The following NPR3 variants were observed in gnomAD, a reference collection of about 807,000 sequenced individuals.
NPR3 encodes the protein atrial natriuretic peptide receptor 3.
Under a neutral mutation model 54.5 loss-of-function variants are expected in NPR3, and 34 were observed. The ratio of observed to expected loss-of-function variants is 0.62; its 90% CI spans 0.47 to 0.83. The LOEUF is 0.83. Ranked by LOEUF, NPR3 falls within the 40% of genes least tolerant of loss-of-function variation. The probability of loss-of-function intolerance (pLI) is 0.00; values close to 1 mark genes in which losing one functional copy is unlikely to be tolerated. For synonymous variants in NPR3, 289 were observed against 297.1 expected, an observed-to-expected ratio of 0.97 and a Z score of 0.28; for missense variants, 674 against 720.8, an observed-to-expected ratio of 0.94 and a Z score of 0.74.
intron 3 of NPR3, among the ~76,000 whole-genome samples, chr5:32,745,668 G>T (rs141019099): frequency 2.0e-5 from 3 of 152,186 alleles, no homozygotes; most frequent in East Asian, 1.9e-4. Flanking sequence ...AGCAACACAG[G>T]CTGAAGTATT....
intron 3 of NPR3, among the ~76,000 whole-genome samples, chr5:32,756,230 G>C (rs1388089852): frequency 6.6e-6 from 1 of 152,218 alleles, no homozygotes; most frequent in African/African-American, 2.4e-5. Context: ...CAGTGTAAAA[G>C]TGTTCCAGTT....
rs2111842507 is a variant in NPR3 at position 32,712,376 on chromosome 5, T to C, written c.600T>C (p.Ala200=). The C allele has an allele frequency of 6.2e-7, 1 of 1,613,194 alleles. No individual in the cohort carries two copies. The highest frequency in any genetic ancestry group is 2.2e-5 in the East Asian group (1 of 44,854). Residue 200 remains alanine, a synonymous_variant, in exon 1 of 8, where the codon GCT becomes GCC. Transcript: ENST00000265074. The part of the protein sequence containing the change: ...ALFRHHHWSR[A]ALVYSDDKLE... ...TCCGCCACCACCACTGGAGCCGCGC[T>C]GCACTGGTCTACAGCGACGACAAGC...
At chr5:32,719,673 A>G (rs1234947542) in intron 1 of NPR3, among the ~76,000 whole-genome samples, 1 of 151,704 alleles carries the variant, frequency 6.6e-6, no homozygotes. Flanking sequence ...TGATAATTGT[A>G]TCCTTTTCAT....
Position 32,782,648 on chromosome 5 carries a change from T to C in NPR3, c.1291-245T>C, listed in dbSNP as rs1433773333. ...AGAGCACCATCAGCGACTTCAAATCTTGACTTGTGAAGTCCCCAGAACACA... is the reference window on the plus strand; with the variant it reads ...AGAGCACCATCAGCGACTTCAAATCCTGACTTGTGAAGTCCCCAGAACACA... On this transcript the variant is annotated intron_variant, in intron 5 of 7. Transcript: ENST00000265074. Among the ~76,000 whole-genome samples the C allele has an allele frequency of 2.0e-5, 3 of 152,160 alleles. No individual in the cohort carries two copies. In the East Asian group the frequency reaches 5.8e-4, roughly 29 times the overall value.
chr5:32,704,932 A>C (rs537017133), upstream of NPR3, among the ~76,000 whole-genome samples: 1 of 152,376 alleles, frequency 6.6e-6, no homozygotes, highest in African/African-American at 2.4e-5. Context: ...GTATGCATGA[A>C]GTTGAAGTGC....
chr5:32,701,329 C>G (rs973755973), intron 1 of NPR3, among the ~76,000 whole-genome samples: 1 of 152,186 alleles, frequency 6.6e-6, no homozygotes, highest in African/African-American at 2.4e-5. Context: ...ATTGCATTTT[C>G]AACTCCAGAA....
Position 32,780,760 on chromosome 5 carries a change from C to T in NPR3, c.1234C>T (p.Arg412Ter), listed in dbSNP as rs774338813. The T allele has an allele frequency of 1.9e-6, 3 of 1,601,738 alleles. No homozygotes were observed. Among genetic ancestry groups the T allele is most frequent in the Non-Finnish European group, 2.6e-6 (3 of 1,168,880 alleles). The change falls in exon 5 of 8, where the codon CGA (arginine) becomes TGA (stop). Residue 412 changes from arginine to a stop codon, truncating the protein, a stop_gained. Coordinates refer to ENST00000265074, the MANE Select transcript of NPR3 (RefSeq NM_001204375.2). LOFTEE classifies it high-confidence loss of function. ...GGTGTCCATAGATGCCAACGGAGAC[C>T]GATATGGGGATTTCTCTGTGATTGC... ...GQVSIDANGDRYGDFSVIAMT... is the reference protein window; with the variant it reads ...GQVSIDANGD
chr5:32,728,827 GTGTGTGTGTGTATATA>G (rs1221772892), intron 2 of NPR3, among the ~76,000 whole-genome samples: 18 of 81,148 alleles, frequency 2.2e-4, no homozygotes, highest in Middle Eastern at 5.7e-3. Context: ...GTGTGTGTGT[GTGTGTGTGTGTATATA>G]TATATATATA....
At chr5:32,717,627 G>A (rs1272394113) in intron 1 of NPR3, among the ~76,000 whole-genome samples, 1 of 152,154 alleles carries the variant, frequency 6.6e-6, no homozygotes, top group Non-Finnish European at 1.5e-5. Context: ...ATTTTTTCAT[G>A]TGTCTGTTGG....
At chr5:32,774,960 T>A in intron 4 of NPR3, 117 bp downstream of exon 4, 1 of 779,528 alleles carries the variant, frequency 1.3e-6, no homozygotes, top group South Asian at 1.6e-5. Context: ...TTCTCAGCTC[T>A]AAAGCAGCCC....
chr5:32,760,556 A>G (rs1741112459), intron 3 of NPR3, among the ~76,000 whole-genome samples: 1 of 152,124 alleles, frequency 6.6e-6, no homozygotes, highest in South Asian at 2.1e-4. Context: ...GTTGTTTGAA[A>G]GATTTCTTTT....
At chr5:32,721,277 G>A (rs1738844579) in intron 1 of NPR3, among the ~76,000 whole-genome samples, 2 of 152,178 alleles carry the variant, frequency 1.3e-5, no homozygotes, top group Non-Finnish European at 2.9e-5. Flanking sequence ...ACACAAAATG[G>A]ATAAGATCTA....
At chr5:32,721,499 C>T (rs375990364) in intron 1 of NPR3, among the ~76,000 whole-genome samples, 23 of 152,160 alleles carry the variant, frequency 1.5e-4, no homozygotes, top group Non-Finnish European at 2.5e-4. Flanking sequence ...GAAAATTAGC[C>T]GGGTGTGGTA....
At chr5:32,695,367 C>T (rs1740498864) in intron 1 of NPR3, among the ~76,000 whole-genome samples, 1 of 152,214 alleles carries the variant, frequency 6.6e-6, no homozygotes, top group Admixed American at 6.5e-5. Flanking sequence ...TGGGTTCACG[C>T]CATTCTCCTG....
At chr5:32,709,155 C>G (rs574049428), upstream of NPR3, among the ~76,000 whole-genome samples, 201 of 152,204 alleles carry the variant, frequency 1.3e-3, no homozygotes, top group Non-Finnish European at 2.1e-3. Context: ...AAACCCCAGA[C>G]TCTCCGCATA....
At chr5:32,701,477 T>C (rs949951052) in intron 1 of NPR3, among the ~76,000 whole-genome samples, 1 of 152,260 alleles carries the variant, frequency 6.6e-6, no homozygotes, top group African/African-American at 2.4e-5. Flanking sequence ...GTCTGAAAGA[T>C]CACGTATCTT....
At chr5:32,770,120 A>G (rs891570317) in intron 3 of NPR3, among the ~76,000 whole-genome samples, 2 of 152,200 alleles carry the variant, frequency 1.3e-5, no homozygotes, top group Non-Finnish European at 2.9e-5. Flanking sequence ...GCCAGCTGCA[A>G]AGGACAGAAG....
intron 1 of NPR3, chr5:32,713,550 TTGGCGCTCACGCGCC>T (rs1406648830): frequency 2.3e-6 from 2 of 856,348 alleles, no homozygotes; most frequent in Non-Finnish European, 2.8e-6. Flanking sequence ...CTGCTCCCCC[TTGGCGCTCACGCGCC>T]TGGAATGTGA....
intron 1 of NPR3, among the ~76,000 whole-genome samples, chr5:32,714,080 C>T (rs1004017245): frequency 6.6e-6 from 1 of 152,262 alleles, no homozygotes; most frequent in Non-Finnish European, 1.5e-5. Flanking sequence ...GTCTGCGCCC[C>T]GGGCTGCTAA....
Sources: allele counts gnomAD v4.1 joint callset (sites outside exome capture counted in the v4.1 genomes callset), GRCh38; gene constraint gnomAD v4.1.1; transcripts MANE v1.5; gene names NCBI Gene and HGNC (gene_info 2026-07-23, HGNC 2026-07-21).